The following MED17 variants were observed in gnomAD, a reference collection of about 807,000 sequenced individuals.
MED17 encodes mediator of RNA polymerase II transcription subunit 17.
MED17 carries 49 observed loss-of-function variants against 80.8 expected under a neutral mutation model. The ratio of observed to expected loss-of-function variants is 0.61; its 90% CI spans 0.48 to 0.77. The LOEUF (loss-of-function observed/expected upper bound fraction) is 0.77, where lower values mean the gene tolerates loss of function less well. Ranked by LOEUF, MED17 falls within the 30% of genes least tolerant of loss-of-function variation. MED17 has a pLI of 0.00. For missense variants in MED17, 718 were observed against 787.0 expected (o/e 0.91, Z 1.05); for synonymous variants, 281 against 280.4 (o/e 1.00, Z -0.02).
At chr11:93,804,603 C>CT (rs954514924) in intron 9 of MED17, among the ~76,000 whole-genome samples, 4 of 151,766 alleles carry the variant, frequency 2.6e-5, no homozygotes, top group African/African-American at 9.7e-5. Flanking sequence ...TCTTTAAAAA[C>CT]TTTTTTTTTA....
At chr11:93,784,787 A>T (rs1398081761) in intron 1 of MED17, 24 bp downstream of exon 1, 1 of 1,534,396 alleles carries the variant, frequency 6.5e-7, no homozygotes, top group African/African-American at 1.4e-5. Context: ...CCGCTGCCCG[A>T]GTCCCCCGGT....
At position 93,793,969 on chromosome 11, in the gene MED17, G is replaced by T; in HGVS notation, c.793G>T (p.Ala265Ser). Residue 265 changes from alanine to serine, a missense_variant, in exon 5 of 12, where the codon GCT becomes TCT. Coordinates refer to ENST00000251871, the MANE Select transcript of MED17 (RefSeq NM_004268.5). ...AYIKVSIQKQ[A>S]PDIGDLGTVN... ...CATATAGGTTTCAATACAAAAACAG[G>T]CTCCAGATATAGGTGACCTCGGCAC... 1.2e-6 allele frequency: 2 copies of T among 1,613,888 alleles called. No homozygotes were observed. The highest frequency in any genetic ancestry group is 1.7e-6 in the Non-Finnish European group (2 of 1,179,930).
rs907994410 is a variant in MED17 at position 93,813,928 on chromosome 11, T to G, written c.*1864T>G. On this transcript the variant is annotated 3_prime_UTR_variant, in exon 12 of 12. Transcript: ENST00000251871. ...GAGGGTTTTGCCATCTTGGCCAGGC[T>G]GGTCTTGAACTCCTGGCCTCAATTG... 1.3e-5 allele frequency: 2 copies of G among 152,226 alleles called. No individual in the cohort carries two copies. Among genetic ancestry groups the G allele is most frequent in the African/African-American group, 2.4e-5 (1 of 41,448 alleles). 9.4% of individuals were successfully genotyped at this position (152,226 alleles called of 1,614,324 possible). A position where few individuals can be genotyped will look rare whatever the true frequency, so the allele number is the denominator to read the frequency against.
rs756613156 is a variant in MED17 at position 93,794,955 on chromosome 11, T to G, written c.907T>G (p.Leu303Val). ...ATTAGAAGCGGCACAGAATGTTCTC[T>G]TATGTAAAGAAATTTTTGCACAGCT... The part of the protein sequence containing the change: ...TKLEAAQNVL[L>V]CKEIFAQLSR... Residue 303 changes from leucine to valine, a missense_variant, in exon 6 of 12, where the codon TTA (leucine) becomes GTA (valine). Transcript: ENST00000251871. 6.2e-7 allele frequency: 1 copy of G among 1,614,176 alleles called. No individual in the cohort carries two copies. The highest frequency in any genetic ancestry group is 8.5e-7 in the Non-Finnish European group (1 of 1,180,016).
Position 93,797,587 on chromosome 11 carries a change from C to G in MED17, c.1196C>G (p.Pro399Arg), listed in dbSNP as rs1274159031. The G allele has an allele frequency of 6.2e-7, 1 of 1,614,086 alleles. No individual in the cohort carries two copies. The highest frequency in any genetic ancestry group is 1.1e-5 in the South Asian group (1 of 91,078). ...ATGATGCCTCATCCAGCAAGTGCAC[C>G]TTTTGGCCACAAGAGAATGAGACTT... ...SIMMPHPASA[P>R]FGHKRMRLSG... Residue 399 changes from proline to arginine, a missense_variant, in exon 8 of 12, where the codon CCT becomes CGT. Transcript: ENST00000251871.
intron 2 of MED17, 196 bp downstream of exon 2, chr11:93,788,363 G>C: frequency 7.7e-6 from 4 of 519,666 alleles, no homozygotes; most frequent in Non-Finnish European, 1.4e-5. Context: ...ATGATCCTTG[G>C]AAGAGTTAAG....
At position 93,788,140 on chromosome 11, in the gene MED17, C is replaced by G. The variant is rs769907044; in HGVS notation, c.390C>G (p.Val130=). The change falls in exon 2 of 12, where the codon GTC becomes GTG. Residue 130 remains valine (V), a synonymous_variant. Transcript: ENST00000251871. ...RDKKFMTLDP[V]SQDALPPKQN... ...AAAAATTTATGACTCTTGATCCTGT[C>G]TCTCAGGATGCACTTCCTCCAAAAC... 12 of 1,612,652 alleles carry G rather than the reference C, an allele frequency of 7.4e-6. No homozygotes were observed. In the South Asian group the frequency reaches 1.3e-4, roughly 18 times the overall value.
chr11:93,790,367 G>A, intron 2 of MED17: 1 of 601,714 alleles, frequency 1.7e-6, no homozygotes, highest in South Asian at 1.6e-5. Flanking sequence ...AGAGGCCATT[G>A]TAGTGTTTTT....
chr11:93,791,345 T>C (rs1408764519), intron 3 of MED17, among the ~76,000 whole-genome samples: 5 of 152,178 alleles, frequency 3.3e-5, no homozygotes, highest in Non-Finnish European at 5.9e-5. Context: ...TGAAGCATAA[T>C]TGACTTTTTA....
At chr11:93,786,054 CT>C (rs1423444878) in intron 1 of MED17, among the ~76,000 whole-genome samples, 4 of 152,116 alleles carry the variant, frequency 2.6e-5, no homozygotes, top group African/African-American at 9.7e-5. Context: ...AGATATATTA[CT>C]TACATAAAAT....
Position 93,811,944 on chromosome 11 carries a change from T to C in MED17, c.1836T>C (p.Asp612=), listed in dbSNP as rs751700015. Reference sequence around the variant, plus strand: ...TTCCAAAAAGTGATGTTTTACAAGATAACAAATGGAGTCATCTTCGTGGGC... The same window carrying C: ...TTCCAAAAAGTGATGTTTTACAAGACAACAAATGGAGTCATCTTCGTGGGC... ...KDLPKSDVLQ[D]NKWSHLRGPF... The change falls in exon 12 of 12, where the codon GAT becomes GAC. Residue 612 remains aspartate (D), a synonymous_variant. Transcript: ENST00000251871. 3 of 1,613,974 alleles carry C rather than the reference T, an allele frequency of 1.9e-6. No individual in the cohort carries two copies. Among genetic ancestry groups the C allele is most frequent in the Non-Finnish European group, 2.5e-6 (3 of 1,179,992 alleles).
rs1346946477 is a variant in MED17, at chr11:93,813,917, C to T, written c.*1853C>T. 1 of 152,190 alleles carries T rather than the reference C, an allele frequency of 6.6e-6. No homozygotes were observed. The highest frequency in any genetic ancestry group is 1.5e-5 in the Non-Finnish European group (1 of 68,054). The allele number at this position is 152,190 out of a possible 1,614,324, so 9.4% of individuals were successfully genotyped here. On this transcript the variant is annotated 3_prime_UTR_variant, in exon 12 of 12. Coordinates refer to ENST00000251871, the MANE Select transcript of MED17 (RefSeq NM_004268.5). The stretch of plus-strand genomic sequence containing the variant: ...AATTTTGATAAGAGGGTTTTGCCAT[C>T]TTGGCCAGGCTGGTCTTGAACTCCT...
chr11:93,785,124 C>T (rs572152590), intron 1 of MED17, among the ~76,000 whole-genome samples: 1 of 152,336 alleles, frequency 6.6e-6, no homozygotes, highest in South Asian at 2.1e-4. Flanking sequence ...GGGCGAGTTA[C>T]TTTGCATCCT....
intron 1 of MED17, among the ~76,000 whole-genome samples, chr11:93,785,784 A>T (rs188835598): frequency 6.6e-6 from 1 of 152,300 alleles, no homozygotes; most frequent in Non-Finnish European, 1.5e-5. Context: ...AGGTGGAAGG[A>T]TCACTTGAGC....
intron 1 of MED17, 43 bp downstream of exon 1, chr11:93,784,806 C>T: frequency 6.5e-7 from 1 of 1,532,180 alleles, no homozygotes; most frequent in East Asian, 2.4e-5. Flanking sequence ...GTCTGGGTCC[C>T]AGCACCCGCG....
chr11:93,784,763 G>A lies in MED17; in HGVS notation c.250G>A (p.Gly84Arg). 1.3e-6 allele frequency: 2 copies of A among 1,538,200 alleles called. No individual in the cohort carries two copies. The highest frequency in any genetic ancestry group is 1.7e-6 in the Non-Finnish European group (2 of 1,147,762). The change falls in exon 1 of 12, where the codon GGA becomes AGA. Residue 84 changes from glycine to arginine, a missense_variant and splice_region_variant. Coordinates refer to ENST00000251871, the MANE Select transcript of MED17 (RefSeq NM_004268.5). ...GSSADQDDEE[G>R]VVKFQPSLWP... The stretch of plus-strand genomic sequence containing the variant: ...CAGCGCAGACCAGGACGACGAGGAA[G>A]GTAAGGCCTGCATCCGCTGCCCGAG...
Position 93,794,957 on chromosome 11 carries a change from A to C in MED17, c.909A>C (p.Leu303Phe), listed in dbSNP as rs1414235166. 6.2e-7 allele frequency: 1 copy of C among 1,614,056 alleles called. No individual in the cohort carries two copies. Among genetic ancestry groups the C allele is most frequent in the Admixed American group, 1.7e-5 (1 of 60,002 alleles). ...TKLEAAQNVLLCKEIFAQLSR... is the reference protein window; with the variant it reads ...TKLEAAQNVLFCKEIFAQLSR... ...TAGAAGCGGCACAGAATGTTCTCTT[A>C]TGTAAAGAAATTTTTGCACAGCTCT... is the stretch of plus-strand genomic sequence containing the variant. Residue 303 changes from leucine (L) to phenylalanine (F), a missense_variant, in exon 6 of 12, where the codon TTA becomes TTC. Transcript: ENST00000251871.
chr11:93,800,595 C>G (rs1183160640), intron 8 of MED17: 1 of 148,674 alleles, frequency 6.7e-6, no homozygotes, highest in Non-Finnish European at 1.5e-5. Context: ...CACCACTGCA[C>G]TCCATCCTGG....
At chr11:93,805,458 G>A (rs1944013316) in intron 9 of MED17, among the ~76,000 whole-genome samples, 1 of 152,122 alleles carries the variant, frequency 6.6e-6, no homozygotes. Context: ...GTACATGCCT[G>A]TAGTCCCAGC....
Sources: gnomAD v4.1 joint callset for allele counts (sites outside exome capture counted in the v4.1 genomes callset) on GRCh38, gnomAD v4.1.1 for gene constraint, MANE v1.5 for transcripts, NCBI Gene and HGNC (gene_info 2026-07-23, HGNC 2026-07-21) for gene names.